The following ARHGAP26 variants were observed in gnomAD, a reference collection of about 807,000 sequenced individuals.
ARHGAP26 encodes rho GTPase-activating protein 26.
In ARHGAP26, 38 loss-of-function variants were observed where a neutral mutation model predicts 104.8. The ratio of observed to expected loss-of-function variants is 0.36; its 90% CI spans 0.28 to 0.48. The LOEUF is 0.48. ARHGAP26 is among the 20% of genes least tolerant of loss of function. The pLI is 0.99. For missense variants in ARHGAP26, 704 were observed against 947.9 expected, an observed-to-expected ratio of 0.74 and a Z score of 3.38; for synonymous variants, 341 against 340.0, an observed-to-expected ratio of 1.00 and a Z score of -0.03.
chr5:142,900,336 G>A (rs771571746), intron 6 of ARHGAP26, among the ~76,000 whole-genome samples: 30 of 152,286 alleles, frequency 2.0e-4, no homozygotes, highest in Admixed American at 5.2e-4. Flanking sequence ...ACGGATTTAT[G>A]TTAGGGGTCT....
chr5:143,006,316 C>CTGTTTTTTTTT (rs772059084), intron 11 of ARHGAP26, among the ~76,000 whole-genome samples: 5 of 112,864 alleles, frequency 4.4e-5, no homozygotes, highest in Non-Finnish European at 7.5e-5. Context: ...AGTGTTTTTT[C>CTGTTTTTTTTT]TTTTTTTTTT....
intron 20 of ARHGAP26, among the ~76,000 whole-genome samples, chr5:143,155,903 A>G (rs1286251651): frequency 6.6e-6 from 1 of 152,230 alleles, no homozygotes; most frequent in Non-Finnish European, 1.5e-5. Flanking sequence ...AATTAAAGGT[A>G]TGAATGACTG....
intron 12 of ARHGAP26, among the ~76,000 whole-genome samples, chr5:143,023,419 T>G (rs1222251231): frequency 6.6e-6 from 1 of 151,348 alleles, no homozygotes; most frequent in East Asian, 2.0e-4. Flanking sequence ...GGGAAAGCCT[T>G]GATGGGATCG....
intron 11 of ARHGAP26, among the ~76,000 whole-genome samples, chr5:142,944,755 G>A (rs1418105269): frequency 6.6e-6 from 1 of 152,218 alleles, no homozygotes; most frequent in African/African-American, 2.4e-5. Context: ...GCCATGCAAA[G>A]TAGTAGTATT....
At chr5:142,912,050 C>T (rs938918663) in intron 9 of ARHGAP26, among the ~76,000 whole-genome samples, 5 of 152,124 alleles carry the variant, frequency 3.3e-5, no homozygotes, top group African/African-American at 1.2e-4. Context: ...TGCTAATTTC[C>T]CCTGTTAGTT....
intron 11 of ARHGAP26, among the ~76,000 whole-genome samples, chr5:143,001,692 G>A (rs1057086726): frequency 6.6e-6 from 1 of 152,248 alleles, no homozygotes; most frequent in Admixed American, 6.5e-5. Context: ...GACCCACACA[G>A]AGTGCAGAAT....
chr5:143,162,035 C>T (rs1407513259), intron 20 of ARHGAP26, among the ~76,000 whole-genome samples: 5 of 152,044 alleles, frequency 3.3e-5, no homozygotes, highest in Admixed American at 2.0e-4. Flanking sequence ...TGAGTAAAGC[C>T]CACTAACTCC....
At chr5:142,869,208 C>CTTTTTTTTTTTTT (rs1262754470) in intron 1 of ARHGAP26, among the ~76,000 whole-genome samples, 4 of 137,204 alleles carry the variant, frequency 2.9e-5, no homozygotes, top group Non-Finnish European at 6.4e-5. Context: ...TTTCTTTTTT[C>CTTTTTTTTTTTTT]TTTTTTTTTT....
chr5:143,213,013 C>T (rs772951241), intron 21 of ARHGAP26, among the ~76,000 whole-genome samples: 17 of 152,146 alleles, frequency 1.1e-4, no homozygotes, highest in Non-Finnish European at 2.5e-4. Flanking sequence ...GGCTTGGTAG[C>T]AGGCGCCTGT....
chr5:143,152,982 G>A (rs1010962285), intron 20 of ARHGAP26, among the ~76,000 whole-genome samples: 1 of 152,176 alleles, frequency 6.6e-6, no homozygotes, highest in African/African-American at 2.4e-5. Context: ...GGTTTAATAT[G>A]CAGTGATAGT....
intron 3 of ARHGAP26, among the ~76,000 whole-genome samples, chr5:142,876,819 CCAAA>C (rs1162875884): frequency 6.7e-6 from 1 of 149,542 alleles, no homozygotes; most frequent in Non-Finnish European, 1.5e-5. Context: ...CTTTAAAACT[CCAAA>C]CAGAGTAGAA....
intron 12 of ARHGAP26, among the ~76,000 whole-genome samples, chr5:143,015,013 A>AT (rs750353725): frequency 1.5e-4 from 23 of 152,132 alleles, no homozygotes; most frequent in Non-Finnish European, 3.2e-4. Flanking sequence ...CAGGACAGAG[A>AT]TTTTTCCCCC....
chr5:142,903,978 G>A (rs1302005866), intron 8 of ARHGAP26, among the ~76,000 whole-genome samples: 1 of 151,986 alleles, frequency 6.6e-6, no homozygotes, highest in African/African-American at 2.4e-5. Flanking sequence ...ACCATACCCT[G>A]AGCATAGCAG....
At chr5:143,145,263 T>C in intron 19 of ARHGAP26, among the ~76,000 whole-genome samples, 1 of 152,232 alleles carries the variant, frequency 6.6e-6, no homozygotes, top group East Asian at 1.9e-4. Flanking sequence ...GCAATAGTTA[T>C]GCTCTTCTGT....
intron 17 of ARHGAP26, among the ~76,000 whole-genome samples, chr5:143,061,693 C>T (rs898380240): frequency 6.6e-6 from 1 of 152,174 alleles, no homozygotes; most frequent in African/African-American, 2.4e-5. Context: ...TGTGTCATGA[C>T]ACAGAATCTG....
chr5:142,831,547 C>T (rs959952899), intron 1 of ARHGAP26, among the ~76,000 whole-genome samples: 1 of 152,070 alleles, frequency 6.6e-6, no homozygotes, highest in Non-Finnish European at 1.5e-5. Context: ...TGCCTAATTA[C>T]CTCTGCCTTG....
intron 12 of ARHGAP26, among the ~76,000 whole-genome samples, chr5:143,019,728 A>T (rs937996130): frequency 1.3e-5 from 2 of 152,136 alleles, no homozygotes; most frequent in Non-Finnish European, 2.9e-5. Flanking sequence ...TCCAAGTTTG[A>T]TGTTTTAAAT....
At chr5:143,158,929 G>A (rs2151049250) in intron 20 of ARHGAP26, among the ~76,000 whole-genome samples, 1 of 152,290 alleles carries the variant, frequency 6.6e-6, no homozygotes, top group South Asian at 2.1e-4. Flanking sequence ...GATGTATTAG[G>A]ATCCTAAGAA....
At chr5:143,108,263 C>T (rs1382820876) in intron 17 of ARHGAP26, among the ~76,000 whole-genome samples, 3 of 152,122 alleles carry the variant, frequency 2.0e-5, no homozygotes, top group African/African-American at 4.8e-5. Context: ...CATTCATTAG[C>T]GTTAGACATG....
Sources: gnomAD v4.1 joint callset for allele counts (sites outside exome capture counted in the v4.1 genomes callset) on GRCh38, gnomAD v4.1.1 for gene constraint, MANE v1.5 for transcripts, NCBI Gene and HGNC (gene_info 2026-07-23, HGNC 2026-07-21) for gene names.